RNF17: variants seen among roughly 807,000 people sequenced by gnomAD.
The protein encoded by RNF17 is ring finger protein 17.
RNF17 carries 31 observed loss-of-function variants against 200.5 expected under a neutral mutation model. That is an observed-to-expected ratio of 0.15 (90% CI 0.12 to 0.21). RNF17 has a LOEUF of 0.21. RNF17 is among the 10% of genes least tolerant of loss of function. The pLI, the probability that RNF17 is intolerant of heterozygous loss-of-function variation, is 1.00. For missense variants in RNF17, 1,628 were observed against 1,905.1 expected (o/e 0.85, Z 2.71); for synonymous variants, 606 against 637.8 (o/e 0.95, Z 0.75).
intron 15 of RNF17, among the ~76,000 whole-genome samples, chr13:24,823,595 T>C (rs2137948026): frequency 6.6e-6 from 1 of 152,160 alleles, no homozygotes; most frequent in Admixed American, 6.5e-5. Flanking sequence ...ACTAGCTCTT[T>C]GGTGGGCACT....
At chr13:24,852,391 G>C (rs9507419) in intron 24 of RNF17, among the ~76,000 whole-genome samples, 2 of 151,910 alleles carry the variant, frequency 1.3e-5, no homozygotes, top group East Asian at 3.9e-4. Flanking sequence ...GCCCGCCTTG[G>C]CCTCCCAAAG....
In RNF17 at chr13:24,804,402, T is replaced by G; in HGVS notation, c.2064T>G (p.Asn688Lys). Reference protein sequence around the residue: ...TDVSVTVCHINSPGDFYLQLI... With the variant: ...TDVSVTVCHIKSPGDFYLQLI... ...TTTCAGTAACGGTTTGTCATATAAA[T>G]AGTCCTGGAGATTTCTATCTTCAGT... Residue 688 changes from asparagine (N) to lysine (K), a missense_variant, in exon 15 of 36, where the codon AAT becomes AAG. Asn to Lys is a moderately conservative substitution (Grantham distance 94). Coordinates refer to ENST00000255324, the MANE Select transcript of RNF17 (RefSeq NM_031277.3). 1 of 1,612,664 alleles carries G rather than the reference T, an allele frequency of 6.2e-7. No individual in the cohort carries two copies. The highest frequency in any genetic ancestry group is 8.5e-7 in the Non-Finnish European group (1 of 1,178,892).
At chr13:24,831,131 GA>G (rs1185765402) in intron 17 of RNF17, among the ~76,000 whole-genome samples, 2 of 152,054 alleles carry the variant, frequency 1.3e-5, no homozygotes, top group Non-Finnish European at 2.9e-5. Flanking sequence ...TAGTATTATA[GA>G]AAAAAATTTT....
At chr13:24,852,154 T>C (rs890893474) in intron 24 of RNF17, among the ~76,000 whole-genome samples, 39 of 121,444 alleles carry the variant, frequency 3.2e-4, no homozygotes, top group African/African-American at 8.6e-4. Context: ...TTTTTTTTTT[T>C]CTGAGACGGA....
At chr13:24,794,803 A>G (rs1306247593) in intron 10 of RNF17, among the ~76,000 whole-genome samples, 1 of 152,098 alleles carries the variant, frequency 6.6e-6, no homozygotes. Flanking sequence ...GCTCACTGCA[A>G]CCTCCTCAGG....
intron 9 of RNF17, 125 bp downstream of exon 9, chr13:24,789,897 A>G (rs751940327): frequency 1.8e-5 from 12 of 650,500 alleles, no homozygotes; most frequent in African/African-American, 7.3e-5. Context: ...AATAGTTTCT[A>G]TAGTTAAATT....
intron 16 of RNF17, among the ~76,000 whole-genome samples, chr13:24,827,337 A>C (rs1888789384): frequency 6.6e-6 from 1 of 152,154 alleles, no homozygotes; most frequent in Non-Finnish European, 1.5e-5. Context: ...TTCTGTTTGT[A>C]TCAAAACTAT....
chr13:24,805,828 A>G (rs1379356656), intron 15 of RNF17, among the ~76,000 whole-genome samples: 1 of 151,906 alleles, frequency 6.6e-6, no homozygotes. Flanking sequence ...GCAATCCACA[A>G]GGTTCCAATT....
intron 18 of RNF17, among the ~76,000 whole-genome samples, chr13:24,837,777 C>G (rs1890169555): frequency 6.6e-6 from 1 of 151,972 alleles, no homozygotes; most frequent in Non-Finnish European, 1.5e-5. Context: ...GGTCACATCT[C>G]AAGGACTAGA....
intron 19 of RNF17, among the ~76,000 whole-genome samples, chr13:24,842,717 A>C (rs867583502): frequency 7.4e-4 from 113 of 152,102 alleles, no homozygotes; most frequent in African/African-American, 2.7e-3. Context: ...CTTGCACAAC[A>C]GGGACTTGTG....
chr13:24,801,381 G>C (rs1286368456), intron 13 of RNF17, among the ~76,000 whole-genome samples: 1 of 152,154 alleles, frequency 6.6e-6, no homozygotes, highest in African/African-American at 2.4e-5. Flanking sequence ...GGTGGCCCAA[G>C]GCTGTAATTC....
At chr13:24,791,412 A>G (rs1470099724) in intron 9 of RNF17, among the ~76,000 whole-genome samples, 1 of 152,180 alleles carries the variant, frequency 6.6e-6, no homozygotes, top group African/African-American at 2.4e-5. Flanking sequence ...TGTGGTATTC[A>G]TCAAGATTAG....
rs1212492105 is a variant in RNF17, at chr13:24,799,383, C to T, written c.1400-12C>T. ...TAAATGTTTATAACGATTTGTTTCC[C>T]TCATTATTTAGGTGCAAGAATATTT... On this transcript the variant is annotated splice_polypyrimidine_tract_variant and intron_variant, in intron 11 of 35. Transcript: ENST00000255324. 1 of 1,586,568 alleles carries T rather than the reference C, an allele frequency of 6.3e-7. No individual in the cohort carries two copies. Among genetic ancestry groups the T allele is most frequent in the East Asian group, 2.2e-5 (1 of 44,500 alleles).
chr13:24,749,307 C>CTTTCTTTT, the RNF17 span, among the ~76,000 whole-genome samples: 1,525 of 107,934 alleles, frequency 0.014, 73 homozygotes, highest in African/African-American at 0.051. Context: ...TTCTTTCTTT[C>CTTTCTTTT]TTTTTTTTTT....
At chr13:24,757,623 C>T in the RNF17 span, among the ~76,000 whole-genome samples, 2,105 of 152,018 alleles carry the variant, frequency 0.014, 60 homozygotes, top group African/African-American at 0.049. Context: ...TGTGCCTGGC[C>T]GACAATATTC....
Position 24,778,380 on chromosome 13 carries a change from CTT to C in RNF17, c.406_407del (p.Leu136GlufsTer10). The C allele has an allele frequency of 6.2e-7, 1 of 1,612,810 alleles. No individual in the cohort carries two copies. Among genetic ancestry groups the C allele is most frequent in the Non-Finnish European group, 8.5e-7 (1 of 1,178,796 alleles). Reference protein sequence around the residue: ...LERSASTDKTLLNSSAVMLDT... With the variant: ...LERSASTDKTXLNSSAVMLDT... ...ACGTTCAGCCTCCACAGACAAGACT[CTT>C]TTGAACTCATCAGCTGTAATGTTGG... On this transcript the variant is annotated frameshift_variant, in exon 4 of 36. Transcript: ENST00000255324. LOFTEE classifies it high-confidence loss of function.
At position 24,788,148 on chromosome 13, in the gene RNF17, G is replaced by T; in HGVS notation, c.772G>T (p.Asp258Tyr). 1 of 1,581,290 alleles carries T rather than the reference G, an allele frequency of 6.3e-7. No homozygotes were observed. Among genetic ancestry groups the T allele is most frequent in the South Asian group, 1.2e-5 (1 of 83,468 alleles). ...ATCGCCTTCTCTAAGAACATACTGT[G>T]ACCTGAATCAGGTAATTTAATAGTT... ...QLSPSLRTYCDLNQIIRTLQL... is the reference protein window; with the variant it reads ...QLSPSLRTYCYLNQIIRTLQL... The change falls in exon 7 of 36, where the codon GAC (aspartate) becomes TAC (tyrosine). Residue 258 changes from aspartate (D) to tyrosine (Y), a missense_variant. Around this residue, in one of 5 missense-constraint regions of RNF17, gnomAD observed 502 missense variants for 501.7 expected, o/e 1.00. Coordinates refer to ENST00000255324, the MANE Select transcript of RNF17 (RefSeq NM_031277.3).
Position 24,860,408 on chromosome 13 carries a change from A to G in RNF17, c.3775-860A>G, listed in dbSNP as rs117206159. Among the ~76,000 whole-genome samples, 861 of 152,200 alleles carry G rather than the reference A, an allele frequency of 5.7e-3. 3 individuals carry two copies. The highest frequency in any genetic ancestry group is 8.6e-3 in the Non-Finnish European group (582 of 67,990). On this transcript the variant is annotated intron_variant, in intron 26 of 35. Coordinates refer to ENST00000255324, the MANE Select transcript of RNF17 (RefSeq NM_031277.3). Reference sequence around the variant, plus strand: ...TGTGGTCACTTTACATTTTTAGTATACACAATGGATTTTTCATTTCTTAAT... The same window carrying G: ...TGTGGTCACTTTACATTTTTAGTATGCACAATGGATTTTTCATTTCTTAAT...
chr13:24,810,587 CTT>C (rs1159218672), intron 15 of RNF17, among the ~76,000 whole-genome samples: 15 of 146,336 alleles, frequency 1.0e-4, no homozygotes, highest in Non-Finnish European at 1.7e-4. Context: ...GGTCTTGACT[CTT>C]TATCCAGTTT....
Sources: gnomAD v4.1 joint callset for allele counts (sites outside exome capture counted in the v4.1 genomes callset) on GRCh38, gnomAD v4.1.1 for gene constraint, gnomAD v4.1.1 regional missense constraint, MANE v1.5 for transcripts, NCBI Gene and HGNC (gene_info 2026-07-23, HGNC 2026-07-21) for gene names.